Variants in PRH1 observed in about 807,000 individuals in gnomAD.
The protein encoded by PRH1 is proline rich protein HaeIII subfamily 1, also known as salivary acidic proline-rich phosphoprotein 1/2.
Under a neutral mutation model 7.9 loss-of-function variants are expected in PRH1, and 7 were observed. The ratio of observed to expected loss-of-function variants is 0.89; its 90% CI spans 0.50 to 1.67. PRH1 has a LOEUF of 1.67. Ranked by LOEUF, PRH1 falls within the 40% of genes most tolerant of loss-of-function variation. PRH1 has a pLI of 0.00. For missense variants in PRH1, 109 were observed against 223.6 expected (o/e 0.49, Z 3.27); for synonymous variants, 45 against 80.8 (o/e 0.56, Z 2.38).
intron 1 of PRH1, among the ~76,000 whole-genome samples, chr12:11,166,673 C>CT (rs1947593833): frequency 6.6e-6 from 1 of 152,218 alleles, no homozygotes; most frequent in Non-Finnish European, 1.5e-5. Flanking sequence ...CACTTTAAAA[C>CT]TTAAGAAGAT....
In PRH1 at chr12:11,083,001, T is replaced by C. The variant is rs528183544; in HGVS notation, n.124-35813A>G. Among the ~76,000 whole-genome samples, 2 of 117,082 alleles carry C rather than the reference T, an allele frequency of 1.7e-5. 1 individual carries two copies. The highest frequency in any genetic ancestry group is 4.6e-4 in the South Asian group (2 of 4,346). 76.8% of individuals were successfully genotyped at this position (117,082 alleles called of 152,430 possible). ...TTTTAAGGCTTAACAAAATTATCTT[T>C]CTATGAATTTTTCTTGAATATTCAA... On this transcript the variant is annotated intron_variant and non_coding_transcript_variant, in intron 1 of 4. Coordinates refer to the PRH1 transcript ENST00000541977.
chr12:11,149,305 T>C (rs1289141066), intron 1 of PRH1, among the ~76,000 whole-genome samples: 1 of 152,238 alleles, frequency 6.6e-6, no homozygotes, highest in African/African-American at 2.4e-5. Context: ...GCTCTGATTT[T>C]AGTTATTTCT....
chr12:11,018,973 T>C (rs1232727506), intron 1 of PRH1, among the ~76,000 whole-genome samples: 1 of 150,226 alleles, frequency 6.7e-6, no homozygotes, highest in African/African-American at 2.4e-5. Flanking sequence ...CGGGGAAACA[T>C]AGGGAAAGGG....
chr12:11,040,254 T>C (rs974565792), intron 1 of PRH1, among the ~76,000 whole-genome samples: 1 of 152,234 alleles, frequency 6.6e-6, no homozygotes, highest in African/African-American at 2.4e-5. Flanking sequence ...TCTTTTCCAT[T>C]TAAAAAGTAT....
intron 2 of PRH1, chr12:10,908,630 C>T (rs754694608): frequency 1.2e-6 from 2 of 1,613,922 alleles, no homozygotes; most frequent in South Asian, 1.1e-5. Context: ...GGACCTTGGT[C>T]CTGGGGTCTC....
At chr12:10,913,317 T>G (rs1014333295) in intron 2 of PRH1, among the ~76,000 whole-genome samples, 1 of 152,124 alleles carries the variant, frequency 6.6e-6, no homozygotes, top group African/African-American at 2.4e-5. Flanking sequence ...TAGCCGGGCA[T>G]GGTGGCAGGC....
intron 1 of PRH1, among the ~76,000 whole-genome samples, chr12:11,115,072 G>A (rs1945693722): frequency 6.6e-6 from 1 of 152,090 alleles, no homozygotes; most frequent in Admixed American, 6.6e-5. Context: ...GAATGTAAAT[G>A]GGCTAAACTC....
intron 1 of PRH1, chr12:11,021,633 CT>C (rs1052030885): frequency 6.4e-7 from 1 of 1,558,954 alleles, no homozygotes; most frequent in African/African-American, 1.4e-5. Flanking sequence ...CGATGCTCCC[CT>C]TGTGAATCTA....
chr12:11,140,109 C>A (rs1206780788), intron 1 of PRH1, among the ~76,000 whole-genome samples: 4 of 151,706 alleles, frequency 2.6e-5, no homozygotes, highest in Non-Finnish European at 4.4e-5. Context: ...ATTTGTCTAA[C>A]CTTTTTTTCT....
At chr12:10,954,843 T>C (rs1218436882) in intron 2 of PRH1, among the ~76,000 whole-genome samples, 6 of 151,898 alleles carry the variant, frequency 4.0e-5, no homozygotes, top group Non-Finnish European at 8.8e-5. Flanking sequence ...AGAAGGGCAT[T>C]GCATAATTGA....
chr12:10,999,511 A>T (rs1940476583), intron 1 of PRH1, among the ~76,000 whole-genome samples: 1 of 152,106 alleles, frequency 6.6e-6, no homozygotes, highest in African/African-American at 2.4e-5. Context: ...CCAATTTGTA[A>T]TTTTTTAAAT....
chr12:11,076,127 C>G lies in PRH1; in HGVS notation n.124-28939G>C, dbSNP rs796428689. Reference sequence around the variant, plus strand: ...AGGAGTTGACTTATTTTAAGTTTTACATAACAATGTTAAAATCTCATAACA... The same window carrying G: ...AGGAGTTGACTTATTTTAAGTTTTAGATAACAATGTTAAAATCTCATAACA... On this transcript the variant is annotated intron_variant and non_coding_transcript_variant, in intron 1 of 4. Transcript: ENST00000541977. Among the ~76,000 whole-genome samples the G allele has an allele frequency of 8.4e-3, 366 of 43,332 alleles. 26 individuals are homozygous for G. The highest frequency in any genetic ancestry group is 0.016 in the Non-Finnish European group (232 of 14,118). 28.4% of individuals were successfully genotyped at this position (43,332 alleles called of 152,430 possible).
chr12:11,068,019 C>T (rs1239275224), intron 1 of PRH1, among the ~76,000 whole-genome samples: 3 of 133,400 alleles, frequency 2.2e-5, no homozygotes, highest in African/African-American at 7.9e-5. Flanking sequence ...TATGTTTCTG[C>T]TTTTTTAACT....
At chr12:11,155,016 T>C (rs4763634) in intron 1 of PRH1, among the ~76,000 whole-genome samples, 113,332 of 152,082 alleles carry the variant, frequency 0.75, 44,731 homozygotes, top group East Asian at 0.96. Context: ...TCACATCTTC[T>C]GCTTAATTGT....
At chr12:10,919,729 T>C (rs1950020160) in intron 2 of PRH1, among the ~76,000 whole-genome samples, 1 of 151,986 alleles carries the variant, frequency 6.6e-6, no homozygotes, top group Non-Finnish European at 1.5e-5. Flanking sequence ...GGTTCCTATG[T>C]GATAAGAATA....
At position 11,077,503 on chromosome 12, in the gene PRH1, G is replaced by A. The variant is rs1944331409; in HGVS notation, n.124-30315C>T. ...CTGTGTTCAAAGATTCCAGGTTAAT[G>A]TGATTAGATACAGAAAGTAAATGGC... is the stretch of plus-strand genomic sequence containing the variant. On this transcript the variant is annotated intron_variant and non_coding_transcript_variant, in intron 1 of 4. Transcript: ENST00000541977. 33 of 1,046,630 alleles carry A rather than the reference G, an allele frequency of 3.2e-5. 3 individuals are homozygous for A. In the South Asian group the frequency reaches 4.8e-4, roughly 15 times the overall value. The allele number at this position is 1,046,630 out of a possible 1,614,324, so 64.8% of individuals were successfully genotyped here.
chr12:11,145,646 T>G (rs1009981111), intron 1 of PRH1, among the ~76,000 whole-genome samples: 1 of 152,226 alleles, frequency 6.6e-6, no homozygotes, highest in African/African-American at 2.4e-5. Context: ...AAACTCCACA[T>G]AGAGCACTTC....
intron 1 of PRH1, among the ~76,000 whole-genome samples, chr12:11,007,257 AAT>A (rs1265442293): frequency 6.6e-6 from 1 of 152,160 alleles, no homozygotes; most frequent in African/African-American, 2.4e-5. Context: ...GCTGCTAACC[AAT>A]ACTTTTATAT....
chr12:11,022,610 G>A (rs1259191085), intron 1 of PRH1: 3 of 1,431,120 alleles, frequency 2.1e-6, no homozygotes, highest in Non-Finnish European at 2.9e-6. Flanking sequence ...AGTAACACTT[G>A]TTCTGAGTCC....
Sources: gnomAD v4.1 joint callset for allele counts (sites outside exome capture counted in the v4.1 genomes callset) on GRCh38, gnomAD v4.1.1 for gene constraint, MANE v1.5 for transcripts, NCBI Gene and HGNC (gene_info 2026-07-23, HGNC 2026-07-21) for gene names.